Variants in CSE1L observed in about 807,000 individuals in gnomAD.
CSE1L encodes exportin-2.
CSE1L carries 24 observed loss-of-function variants against 120.4 expected under a neutral mutation model. The ratio of observed to expected loss-of-function variants is 0.20; its 90% CI spans 0.14 to 0.28. The LOEUF (loss-of-function observed/expected upper bound fraction) is 0.28, where lower values mean the gene tolerates loss of function less well. Among genes scored for constraint, CSE1L ranks in the 10% least tolerant of loss-of-function variants. The pLI is 1.00. For missense variants in CSE1L, 830 were observed against 1,145.2 expected (o/e 0.72, Z 3.97); for synonymous variants, 402 against 398.3 (o/e 1.01, Z -0.11).
At chr20:49,069,072 G>A (rs1382651154) in intron 7 of CSE1L, among the ~76,000 whole-genome samples, 1 of 152,002 alleles carries the variant, frequency 6.6e-6, no homozygotes, top group South Asian at 2.1e-4. Flanking sequence ...ACTCACTCTT[G>A]GAGAGTCACC....
At chr20:49,073,414 A>G (rs1568775096) in intron 10 of CSE1L, among the ~76,000 whole-genome samples, 2 of 152,218 alleles carry the variant, frequency 1.3e-5, no homozygotes, top group Non-Finnish European at 2.9e-5. Context: ...CTATAGTGCT[A>G]AGAGCCTATA....
intron 13 of CSE1L, 145 bp from the exon 14 acceptor site, chr20:49,078,416 T>C (rs2091985300): frequency 9.1e-6 from 5 of 552,268 alleles, no homozygotes; most frequent in Non-Finnish European, 1.5e-5. Context: ...CCAAAATTAA[T>C]GACTAAATAG....
At chr20:49,062,772 AATAAT>A (rs2091862023) in intron 2 of CSE1L, among the ~76,000 whole-genome samples, 2 of 151,940 alleles carry the variant, frequency 1.3e-5, no homozygotes, top group South Asian at 2.1e-4. Flanking sequence ...TTTGGCTAAT[AATAAT>A]ATATTAGGAT....
intron 11 of CSE1L, 78 bp downstream of exon 11, chr20:49,074,928 A>T: frequency 1.9e-6 from 2 of 1,041,498 alleles, no homozygotes; most frequent in Non-Finnish European, 2.9e-6. Context: ...TAAATGGGAG[A>T]AGTGGGATTG....
rs545215705 is a variant in CSE1L, at chr20:49,055,531, A to G, written c.-11-2922A>G. On this transcript the variant is annotated intron_variant, in intron 1 of 24. Coordinates refer to ENST00000262982, the MANE Select transcript of CSE1L (RefSeq NM_001316.4). Reference sequence around the variant, plus strand: ...CAGGAGTTCAAGACCAGCCTGCGCAATATGGTGAAACCCCATCTCTACAAA... The same window carrying G: ...CAGGAGTTCAAGACCAGCCTGCGCAGTATGGTGAAACCCCATCTCTACAAA... 9.9e-5 allele frequency among the ~76,000 whole-genome samples: 15 copies of G among 152,222 alleles called. No homozygotes were observed. In the South Asian group the frequency reaches 1.2e-3, roughly 13 times the overall value.
intron 19 of CSE1L, among the ~76,000 whole-genome samples, chr20:49,090,039 C>G (rs185837447): frequency 6.6e-6 from 1 of 151,960 alleles, no homozygotes; most frequent in Non-Finnish European, 1.5e-5. Flanking sequence ...GTGAGAGGGT[C>G]GCTTGAGCCC....
rs1255605791 is a variant in CSE1L at position 49,096,402 on chromosome 20, A to G, written c.2880A>G (p.Gln960=). ...ATGCAGAAGCGCTCCAGTATCTCCA[A>G]GGGTACCTTCAGGCAGCCAGTGTGA... ...SLNAEALQYL[Q]GYLQAASVTL... is the part of the protein sequence containing the mutation. The change falls in exon 25 of 25, where the codon CAA becomes CAG. Residue 960 remains glutamine, a synonymous_variant. Coordinates refer to ENST00000262982, the MANE Select transcript of CSE1L (RefSeq NM_001316.4). 1 of 1,614,048 alleles carries G rather than the reference A, an allele frequency of 6.2e-7. No individual in the cohort carries two copies. Among genetic ancestry groups the G allele is most frequent in the Non-Finnish European group, 8.5e-7 (1 of 1,180,022 alleles).
chr20:49,090,614 C>T, intron 19 of CSE1L, 128 bp from the exon 20 acceptor site: 5 of 721,266 alleles, frequency 6.9e-6, no homozygotes, highest in African/African-American at 1.8e-5. Context: ...CCATATGTTT[C>T]AGAAATAATT....
chr20:49,072,989 A>G (rs916820726), intron 10 of CSE1L, among the ~76,000 whole-genome samples: 9 of 152,182 alleles, frequency 5.9e-5, no homozygotes, highest in Non-Finnish European at 5.9e-5. Context: ...TATTATTTCA[A>G]TGAATTTTTA....
Position 49,072,579 on chromosome 20 carries a change from T to C in CSE1L, c.948T>C (p.Asn316=), listed in dbSNP as rs1320685181. 3 of 1,610,844 alleles carry C rather than the reference T, an allele frequency of 1.9e-6. No individual in the cohort carries two copies. Among genetic ancestry groups the C allele is most frequent in the African/African-American group, 1.3e-5 (1 of 74,756 alleles). The change falls in exon 10 of 25, where the codon AAT becomes AAC. Residue 316 remains asparagine, a synonymous_variant. Transcript: ENST00000262982. Reference sequence around the variant, plus strand: ...GTGTTTTGTTCCAGTTGGTAAGTAATGCAATTCAATTTCTGGCTTCAGTTT... The same window carrying C: ...GTGTTTTGTTCCAGTTGGTAAGTAACGCAATTCAATTTCTGGCTTCAGTTT... The part of the protein sequence containing the change: ...QEVKYDLLVS[N]AIQFLASVCE...
In CSE1L at chr20:49,084,038, C is replaced by T. The variant is rs1276082887; in HGVS notation, c.1495C>T (p.His499Tyr). The change falls in exon 15 of 25, where the codon CAT becomes TAT. Residue 499 changes from histidine (H) to tyrosine (Y), a missense_variant. Transcript: ENST00000262982. ...TTGTGTTTTTTAGGTGCCAAAAGAACATCTTTTAGTCTCGATTCCTCTCTT... is the reference window on the plus strand; with the variant it reads ...TTGTGTTTTTTAGGTGCCAAAAGAATATCTTTTAGTCTCGATTCCTCTCTT... ...MIFRNQVPKE[H>Y]LLVSIPLLIN... 1.2e-6 allele frequency: 2 copies of T among 1,613,314 alleles called. No individual in the cohort carries two copies. Among genetic ancestry groups the T allele is most frequent in the Non-Finnish European group, 8.5e-7 (1 of 1,179,478 alleles).
intron 5 of CSE1L, 106 bp downstream of exon 5, chr20:49,066,616 T>A (rs896880419): frequency 2.2e-5 from 23 of 1,024,636 alleles, no homozygotes; most frequent in Non-Finnish European, 3.0e-5. Flanking sequence ...AATCTGATCA[T>A]CTTGGAATGA....
chr20:49,079,701 G>A (rs1321972525), intron 14 of CSE1L, among the ~76,000 whole-genome samples: 1 of 152,072 alleles, frequency 6.6e-6, no homozygotes, highest in Non-Finnish European at 1.5e-5. Flanking sequence ...ATTTGGGCCT[G>A]CGGAATCCTC....
chr20:49,069,102 T>C (rs182776025), intron 7 of CSE1L, among the ~76,000 whole-genome samples: 40 of 152,304 alleles, frequency 2.6e-4, no homozygotes, highest in Admixed American at 2.4e-3. Flanking sequence ...GTTTTACTGG[T>C]GGCATTAAGA....
intron 14 of CSE1L, among the ~76,000 whole-genome samples, chr20:49,081,214 C>T (rs1159635791): frequency 1.3e-5 from 2 of 152,088 alleles, no homozygotes; most frequent in Non-Finnish European, 2.9e-5. Context: ...AAACTCCTGA[C>T]CTCAGGTGAT....
chr20:49,081,133 G>A (rs768417302), intron 14 of CSE1L, among the ~76,000 whole-genome samples: 5 of 151,790 alleles, frequency 3.3e-5, no homozygotes, highest in Non-Finnish European at 7.4e-5. Flanking sequence ...ACACGTGCCT[G>A]CCACCATACC....
chr20:49,092,448 A>G (rs2092108862), intron 22 of CSE1L, among the ~76,000 whole-genome samples: 1 of 151,804 alleles, frequency 6.6e-6, no homozygotes, highest in African/African-American at 2.4e-5. Flanking sequence ...CTAATCCTCT[A>G]GATTAGAGGA....
intron 1 of CSE1L, among the ~76,000 whole-genome samples, chr20:49,056,347 A>AC (rs984417488): frequency 2.6e-5 from 4 of 151,922 alleles, no homozygotes; most frequent in Admixed American, 6.6e-5. Context: ...CAGGTGATCC[A>AC]CCCCCCTCAG....
At chr20:49,060,499 G>T (rs1296390259) in intron 2 of CSE1L, among the ~76,000 whole-genome samples, 1 of 149,916 alleles carries the variant, frequency 6.7e-6, no homozygotes, top group African/African-American at 2.4e-5. Flanking sequence ...AAATTGGACA[G>T]GCACATTTGC....
Sources: allele counts gnomAD v4.1 joint callset (sites outside exome capture counted in the v4.1 genomes callset), GRCh38; gene constraint gnomAD v4.1.1; transcripts MANE v1.5; gene names NCBI Gene and HGNC (gene_info 2026-07-23, HGNC 2026-07-21).